The following CEP120 variants were observed in gnomAD, a reference collection of about 807,000 sequenced individuals.
CEP120 encodes centrosomal protein of 120 kDa.
CEP120 carries 113 observed loss-of-function variants against 126.5 expected under a neutral mutation model. The observed-to-expected ratio is 0.89, with a 90% CI of 0.77 to 1.04. CEP120 has a LOEUF of 1.04. CEP120 is among the 50% of genes least tolerant of loss of function. The pLI, the probability that CEP120 is intolerant of heterozygous loss-of-function variation, is 0.00. For missense variants in CEP120, 1,230 were observed against 1,155.7 expected (o/e 1.06, Z -0.93); for synonymous variants, 400 against 394.3 (o/e 1.01, Z -0.17).
At chr5:123,375,476 C>T (rs1562026925) in intron 16 of CEP120, among the ~76,000 whole-genome samples, 1 of 152,008 alleles carries the variant, frequency 6.6e-6, no homozygotes, top group Non-Finnish European at 1.5e-5. Flanking sequence ...GTGTGCACCA[C>T]TATGCCTGGC....
At chr5:123,395,990 T>A (rs546791681) in intron 5 of CEP120, among the ~76,000 whole-genome samples, 104 of 62,612 alleles carry the variant, frequency 1.7e-3, no homozygotes, top group African/African-American at 8.5e-3. Flanking sequence ...TCTCCATTCC[T>A]TTTTTTTTTT....
intron 14 of CEP120, among the ~76,000 whole-genome samples, chr5:123,378,822 G>C (rs931404904): frequency 6.6e-6 from 1 of 152,004 alleles, no homozygotes; most frequent in Non-Finnish European, 1.5e-5. Context: ...AGTCAGGGAT[G>C]GGGGTGCGTG....
In CEP120 at chr5:123,399,189, T is replaced by C. The variant is rs764865440; in HGVS notation, c.559A>G (p.Thr187Ala). 6.2e-7 allele frequency: 1 copy of C among 1,613,900 alleles called. No homozygotes were observed. Among genetic ancestry groups the C allele is most frequent in the African/African-American group, 1.3e-5 (1 of 74,934 alleles). Residue 187 changes from threonine (T) to alanine (A), a missense_variant, in exon 5 of 20, where the codon ACT becomes GCT. By Grantham distance (58) the Thr-to-Ala change is moderately conservative (BLOSUM62 0). Transcript: ENST00000306467. ...YHQIGPAEYC[T>A]DSFIMSVTIA... is the part of the protein sequence containing the mutation. ...GTCACTGACATAATAAAGGAGTCAGTACAGTATTCTGCTGGTCCAATCTGA... is the reference window on the plus strand; with the variant it reads ...GTCACTGACATAATAAAGGAGTCAGCACAGTATTCTGCTGGTCCAATCTGA...
At chr5:123,371,987 T>G (rs1562020907) in intron 17 of CEP120, among the ~76,000 whole-genome samples, 1 of 152,130 alleles carries the variant, frequency 6.6e-6, no homozygotes, top group Non-Finnish European at 1.5e-5. Context: ...GTCAAACTTG[T>G]CTATTGGACA....
At chr5:123,405,209 T>C (rs547622144) in intron 4 of CEP120, among the ~76,000 whole-genome samples, 44 of 152,182 alleles carry the variant, frequency 2.9e-4, no homozygotes, top group African/African-American at 8.4e-4. Flanking sequence ...ATGCAGTAAG[T>C]AGGAAAACGT....
chr5:123,356,944 G>T (rs1158696970), intron 18 of CEP120, among the ~76,000 whole-genome samples: 1 of 130,468 alleles, frequency 7.7e-6, no homozygotes, highest in Non-Finnish European at 1.7e-5. Flanking sequence ...TTCTTCTTCT[G>T]CCTGAAGAAC....
chr5:123,393,206 T>C, intron 6 of CEP120, 94 bp downstream of exon 6: 1 of 1,107,752 alleles, frequency 9.0e-7, no homozygotes, highest in Non-Finnish European at 1.3e-6. Context: ...TGAAATAGGA[T>C]TAAGTTTAGG....
chr5:123,381,564 A>C (rs1771650815), intron 14 of CEP120, among the ~76,000 whole-genome samples: 1 of 152,142 alleles, frequency 6.6e-6, no homozygotes, highest in South Asian at 2.1e-4. Context: ...CAGGAATAAA[A>C]TCAGATGGTC....
rs1772287875 is a variant in CEP120, at chr5:123,390,030, C to T, written c.1149G>A (p.Val383=). The change falls in exon 8 of 20, where the codon GTG becomes GTA. Residue 383 remains valine, a synonymous_variant. Coordinates refer to ENST00000306467, the MANE Select transcript of CEP120 (RefSeq NM_001375405.1). ...ACTGGTTGTGAGATGGAACAGGGGA[C>T]ACTGTTGGTGATTTTGGCCCAGTAA... ...KTLTGPKSPT[V]SPVPSHNQSP... The T allele has an allele frequency of 6.2e-7, 1 of 1,613,976 alleles. No individual in the cohort carries two copies.
rs184975784 is a variant in CEP120 at position 123,368,445 on chromosome 5, A to G, written c.2482-3851T>C. Among the ~76,000 whole-genome samples, 12 of 152,100 alleles carry G rather than the reference A, an allele frequency of 7.9e-5. No homozygotes were observed. In the East Asian group the frequency reaches 2.3e-3, roughly 29 times the overall value. On this transcript the variant is annotated intron_variant, in intron 17 of 19. Transcript: ENST00000306467. ...ACTACTTGGTTTTATCAAAAGAGAAATGGGAAATGTCCAGCTGGATTCAAG... is the reference window on the plus strand; with the variant it reads ...ACTACTTGGTTTTATCAAAAGAGAAGTGGGAAATGTCCAGCTGGATTCAAG...
At chr5:123,414,044 A>G (rs1233566389) in intron 3 of CEP120, among the ~76,000 whole-genome samples, 2 of 152,232 alleles carry the variant, frequency 1.3e-5, no homozygotes, top group African/African-American at 4.8e-5. Flanking sequence ...TTTAGTTTAA[A>G]TAACTGAGCC....
chr5:123,423,567 C>G (rs894199626), upstream of CEP120: 1 of 156,412 alleles, frequency 6.4e-6, no homozygotes, highest in African/African-American at 2.4e-5. Context: ...GTGGGACCAG[C>G]TGCGCAAGCG....
intron 3 of CEP120, among the ~76,000 whole-genome samples, chr5:123,415,133 T>G (rs1562096530): frequency 6.6e-6 from 1 of 152,124 alleles, no homozygotes; most frequent in Non-Finnish European, 1.5e-5. Flanking sequence ...TTTCAATAAG[T>G]TCACTTGCTC....
chr5:123,348,263 C>A (rs1421120736), intron 19 of CEP120, among the ~76,000 whole-genome samples: 2 of 152,156 alleles, frequency 1.3e-5, no homozygotes, highest in Non-Finnish European at 1.5e-5. Flanking sequence ...TTTATTAAGA[C>A]ATTAGTAAGA....
intron 18 of CEP120, among the ~76,000 whole-genome samples, chr5:123,356,311 T>C (rs970650316): frequency 5.9e-5 from 9 of 152,148 alleles, no homozygotes; most frequent in African/African-American, 1.9e-4. Context: ...TTTCCAATTC[T>C]GTGAAGAAAG....
intron 2 of CEP120, among the ~76,000 whole-genome samples, chr5:123,416,944 T>C (rs2127137862): frequency 6.6e-6 from 1 of 152,352 alleles, no homozygotes; most frequent in East Asian, 1.9e-4. Context: ...AAGAATGATA[T>C]TGGCTTGTTT....
At chr5:123,399,062 A>T in intron 5 of CEP120, 74 bp downstream of exon 5, 1 of 1,178,830 alleles carries the variant, frequency 8.5e-7, no homozygotes, top group Non-Finnish European at 1.1e-6. Flanking sequence ...AAGTCTTTTT[A>T]ATACCTGAAA....
intron 18 of CEP120, among the ~76,000 whole-genome samples, chr5:123,363,250 G>A (rs774653962): frequency 5.9e-5 from 9 of 151,436 alleles, no homozygotes; most frequent in Non-Finnish European, 8.9e-5. Context: ...CCTCTCCTAT[G>A]ACACCTTTCC....
intron 18 of CEP120, among the ~76,000 whole-genome samples, chr5:123,358,749 G>A (rs895360828): frequency 6.6e-6 from 1 of 151,986 alleles, no homozygotes; most frequent in African/African-American, 2.4e-5. Flanking sequence ...AGTGCCAGGT[G>A]CTCTGGGTTA....
Sources: gnomAD v4.1 joint callset for allele counts (sites outside exome capture counted in the v4.1 genomes callset) on GRCh38, gnomAD v4.1.1 for gene constraint, MANE v1.5 for transcripts, NCBI Gene and HGNC (gene_info 2026-07-23, HGNC 2026-07-21) for gene names.